KLHL7: variants seen among roughly 807,000 people sequenced by gnomAD.
The protein encoded by KLHL7 is kelch-like protein 7.
In KLHL7, 44 loss-of-function variants were observed where a neutral mutation model predicts 67.4. That is an observed-to-expected ratio of 0.65 (90% confidence interval 0.51 to 0.84). The LOEUF is 0.84. Ranked by LOEUF, KLHL7 falls within the 40% of genes least tolerant of loss-of-function variation. The pLI, the probability that KLHL7 is intolerant of heterozygous loss-of-function variation, is 0.00. For missense variants in KLHL7, 362 were observed against 718.1 expected, an observed-to-expected ratio of 0.50 and a Z score of 5.67; for synonymous variants, 252 against 243.3, an observed-to-expected ratio of 1.04 and a Z score of -0.33.
At chr7:23,121,602 C>T (rs1372565894) in intron 1 of KLHL7, among the ~76,000 whole-genome samples, 1 of 151,972 alleles carries the variant, frequency 6.6e-6, no homozygotes, top group African/African-American at 2.4e-5. Context: ...CACCGAGCCC[C>T]CATTTCTTGT....
chr7:23,108,221 G>C (rs987257), intron 1 of KLHL7, among the ~76,000 whole-genome samples: 1 of 152,020 alleles, frequency 6.6e-6, no homozygotes, highest in Non-Finnish European at 1.5e-5. Flanking sequence ...GCATACCTCA[G>C]TTCCAATCCT....
chr7:23,106,764 T>C (rs996261125), intron 1 of KLHL7: 1 of 985,580 alleles, frequency 1.0e-6, no homozygotes, highest in African/African-American at 1.7e-5. Context: ...GTGTGGTGCA[T>C]TCGTGAAATT....
At chr7:23,136,514 T>G (rs921396011) in intron 4 of KLHL7, among the ~76,000 whole-genome samples, 1 of 152,214 alleles carries the variant, frequency 6.6e-6, no homozygotes, top group Admixed American at 6.5e-5. Flanking sequence ...TTGTTTTAGC[T>G]AGATAACACA....
chr7:23,164,667 A>G (rs891554156), intron 7 of KLHL7, among the ~76,000 whole-genome samples: 1 of 152,242 alleles, frequency 6.6e-6, no homozygotes, highest in Admixed American at 6.5e-5. Flanking sequence ...CAAAATGTTC[A>G]TCTTTGTCAG....
chr7:23,165,388 G>A (rs2128469427), intron 7 of KLHL7, among the ~76,000 whole-genome samples: 1 of 152,196 alleles, frequency 6.6e-6, no homozygotes, highest in Non-Finnish European at 1.5e-5. Flanking sequence ...GAATCTTCTT[G>A]TATTGTCTTC....
intron 4 of KLHL7, among the ~76,000 whole-genome samples, chr7:23,136,177 C>T (rs1783969871): frequency 6.6e-6 from 1 of 152,118 alleles, no homozygotes; most frequent in Non-Finnish European, 1.5e-5. Context: ...ATCTGCAGCA[C>T]AAAATTAGAA....
intron 7 of KLHL7, among the ~76,000 whole-genome samples, chr7:23,164,987 G>C (rs1784959435): frequency 6.6e-6 from 1 of 152,250 alleles, no homozygotes; most frequent in Non-Finnish European, 1.5e-5. Flanking sequence ...ATACATGGAA[G>C]GGCGGCACAA....
At chr7:23,166,786 G>T (rs879319780) in intron 8 of KLHL7, among the ~76,000 whole-genome samples, 2 of 152,102 alleles carry the variant, frequency 1.3e-5, no homozygotes, top group Non-Finnish European at 2.9e-5. Context: ...ATGATAGACG[G>T]TAACTGTTCT....
chr7:23,166,080 CT>C (rs1327782008), intron 8 of KLHL7, 142 bp downstream of exon 8: 8 of 978,428 alleles, frequency 8.2e-6, no homozygotes, highest in Non-Finnish European at 9.4e-6. Flanking sequence ...CATTTTAGAG[CT>C]CATCTCCCTG....
At chr7:23,139,619 G>A (rs1784108628) in intron 4 of KLHL7, among the ~76,000 whole-genome samples, 1 of 152,178 alleles carries the variant, frequency 6.6e-6, no homozygotes, top group Non-Finnish European at 1.5e-5. Context: ...CATCAGCTTT[G>A]AGAACCTTTA....
At chr7:23,134,500 G>GT (rs1046908493) in intron 4 of KLHL7, among the ~76,000 whole-genome samples, 1 of 151,914 alleles carries the variant, frequency 6.6e-6, no homozygotes, top group South Asian at 2.1e-4. Flanking sequence ...CCCCTCTTCT[G>GT]TTTTTTTGGA....
intron 7 of KLHL7, among the ~76,000 whole-genome samples, chr7:23,152,501 G>C (rs890769457): frequency 2.6e-5 from 3 of 114,680 alleles, no homozygotes; most frequent in African/African-American, 9.6e-5. Flanking sequence ...ATTCATTACA[G>C]TTTCTTCCTT....
chr7:23,108,166 C>T (rs924243625), intron 1 of KLHL7, among the ~76,000 whole-genome samples: 3 of 152,220 alleles, frequency 2.0e-5, no homozygotes, highest in Admixed American at 2.0e-4. Flanking sequence ...CCTCTGTAAA[C>T]ATCCAGAAAC....
At chr7:23,165,616 G>A in intron 7 of KLHL7, 82 bp from the exon 8 acceptor site, 2 of 1,459,112 alleles carry the variant, frequency 1.4e-6, no homozygotes, top group Non-Finnish European at 1.9e-6. Flanking sequence ...ATTCTTATAT[G>A]TTTTTTGACT....
intron 1 of KLHL7, 119 bp downstream of exon 1, chr7:23,106,265 C>G: frequency 6.5e-6 from 10 of 1,531,790 alleles, no homozygotes; most frequent in Non-Finnish European, 7.9e-6. Flanking sequence ...TGTCCTCGCC[C>G]CTCCTTCCGT....
chr7:23,159,597 T>C (rs1405752783), intron 7 of KLHL7, among the ~76,000 whole-genome samples: 1 of 152,082 alleles, frequency 6.6e-6, no homozygotes, highest in Non-Finnish European at 1.5e-5. Flanking sequence ...AGTGGCGTGA[T>C]CTCGGTTCAC....
intron 1 of KLHL7, among the ~76,000 whole-genome samples, chr7:23,122,738 A>G (rs927060263): frequency 1.3e-5 from 2 of 152,212 alleles, no homozygotes; most frequent in African/African-American, 2.4e-5. Flanking sequence ...AAATAATACA[A>G]TAACAGATTT....
intron 4 of KLHL7, 114 bp downstream of exon 4, chr7:23,125,286 C>A: frequency 2.8e-6 from 3 of 1,087,100 alleles, no homozygotes; most frequent in South Asian, 1.4e-5. Context: ...AAGACATTGT[C>A]CACTAGAACG....
chr7:23,128,002 C>T (rs904476521), intron 4 of KLHL7, among the ~76,000 whole-genome samples: 17 of 151,540 alleles, frequency 1.1e-4, no homozygotes, highest in African/African-American at 3.9e-4. Flanking sequence ...TGGTTGTGCG[C>T]GCCTGCAGTC....
Sources: allele counts gnomAD v4.1 joint callset (sites outside exome capture counted in the v4.1 genomes callset), GRCh38; gene constraint gnomAD v4.1.1; transcripts MANE v1.5; gene names NCBI Gene and HGNC (gene_info 2026-07-23, HGNC 2026-07-21).